WWOX: variants seen among roughly 807,000 people sequenced by gnomAD.
WWOX encodes the protein WW domain-containing oxidoreductase.
A neutral mutation model predicts 46.2 loss-of-function variants in WWOX; 69 were observed. The observed-to-expected ratio is 1.49, with a 90% confidence interval of 1.23 to 1.82. WWOX has a LOEUF of 1.82. Among genes scored for constraint, WWOX ranks in the 40% most tolerant of loss-of-function variants. WWOX has a pLI of 0.00. For synonymous variants in WWOX, 359 were observed against 202.6 expected, an observed-to-expected ratio of 1.77 and a Z score of -6.56; for missense variants, 919 against 542.6, an observed-to-expected ratio of 1.69 and a Z score of -6.89.
chr16:78,841,914 T>C (rs1367137079), intron 8 of WWOX, among the ~76,000 whole-genome samples: 1 of 152,168 alleles, frequency 6.6e-6, no homozygotes, highest in Admixed American at 6.5e-5. Flanking sequence ...TTATTGGGCT[T>C]GAGTATCCTG....
intron 8 of WWOX, among the ~76,000 whole-genome samples, chr16:78,451,232 C>G (rs760372824): frequency 6.6e-6 from 1 of 152,098 alleles, no homozygotes; most frequent in African/African-American, 2.4e-5. Flanking sequence ...GGGATGGGTC[C>G]TCATGTTAGT....
intron 8 of WWOX, among the ~76,000 whole-genome samples, chr16:78,856,792 T>A (rs568443577): frequency 3.1e-4 from 47 of 152,340 alleles, no homozygotes; most frequent in African/African-American, 1.1e-3. Flanking sequence ...CACATTTACA[T>A]ATACAGTCAT....
intron 8 of WWOX, among the ~76,000 whole-genome samples, chr16:78,752,872 A>C (rs896022894): frequency 6.6e-6 from 1 of 152,220 alleles, no homozygotes; most frequent in Non-Finnish European, 1.5e-5. Flanking sequence ...TTCCTGATCT[A>C]AATCTGTCCT....
intron 8 of WWOX, among the ~76,000 whole-genome samples, chr16:78,883,432 G>T (rs1267850117): frequency 1.3e-5 from 2 of 152,128 alleles, no homozygotes; most frequent in Non-Finnish European, 2.9e-5. Context: ...ATTTTCATAA[G>T]CATACCATGG....
At chr16:78,175,674 T>A (rs1211254257) in intron 5 of WWOX, among the ~76,000 whole-genome samples, 1 of 152,182 alleles carries the variant, frequency 6.6e-6, no homozygotes, top group South Asian at 2.1e-4. Context: ...CCTGGCTGAT[T>A]CATGTCATGA....
intron 8 of WWOX, among the ~76,000 whole-genome samples, chr16:78,457,087 C>T (rs1016404470): frequency 7.2e-5 from 11 of 152,154 alleles, no homozygotes; most frequent in Non-Finnish European, 1.2e-4. Flanking sequence ...TCTTCTGTGC[C>T]GTTAAGGGAA....
chr16:78,286,806 G>GT (rs5818121), intron 5 of WWOX, among the ~76,000 whole-genome samples: 38,634 of 151,982 alleles, frequency 0.25, 5,223 homozygotes, highest in East Asian at 0.39. Flanking sequence ...TCATAGAAAA[G>GT]TTAAAGCTGT....
intron 5 of WWOX, among the ~76,000 whole-genome samples, chr16:78,361,255 G>T (rs1436016197): frequency 6.6e-6 from 1 of 152,066 alleles, no homozygotes; most frequent in Non-Finnish European, 1.5e-5. Context: ...AAAATGATGT[G>T]GTGTCTTTCT....
intron 8 of WWOX, among the ~76,000 whole-genome samples, chr16:78,877,878 C>A (rs539504477): frequency 2.6e-5 from 4 of 152,090 alleles, no homozygotes; most frequent in Non-Finnish European, 4.4e-5. Context: ...GCCCAGCAGC[C>A]CAAAAAGCTA....
chr16:78,498,702 T>C (rs1002448135), intron 8 of WWOX, among the ~76,000 whole-genome samples: 5 of 152,194 alleles, frequency 3.3e-5, no homozygotes, highest in Non-Finnish European at 7.3e-5. Flanking sequence ...TCTCTTTCTG[T>C]TTTTAAACAG....
chr16:78,626,843 A>T lies in WWOX; in HGVS notation c.1056+194091A>T, dbSNP rs1166823454. 2.0e-5 allele frequency among the ~76,000 whole-genome samples: 3 copies of T among 152,116 alleles called. 1 individual carries two copies. Among genetic ancestry groups the T allele is most frequent in the Non-Finnish European group, 4.4e-5 (3 of 67,994 alleles). The stretch of plus-strand genomic sequence containing the variant: ...CGGTACACTCATGGACATTTATTTT[A>T]TGCTTTATGTTATAATCCTATACTA... On this transcript the variant is annotated intron_variant, in intron 8 of 8. Coordinates refer to ENST00000566780, the MANE Select transcript of WWOX (RefSeq NM_016373.4).
At chr16:78,979,698 C>A (rs989445205) in intron 8 of WWOX, among the ~76,000 whole-genome samples, 2 of 152,102 alleles carry the variant, frequency 1.3e-5, no homozygotes, top group Non-Finnish European at 2.9e-5. Context: ...TGTAGCCGTC[C>A]ATGCTTGAGG....
chr16:78,778,893 C>T (rs898380419), intron 8 of WWOX, among the ~76,000 whole-genome samples: 24 of 152,280 alleles, frequency 1.6e-4, no homozygotes, highest in African/African-American at 5.5e-4. Context: ...TTCATTTTCC[C>T]ATAAGGTGGT....
At chr16:78,480,028 T>A (rs886168687) in intron 8 of WWOX, among the ~76,000 whole-genome samples, 1 of 152,210 alleles carries the variant, frequency 6.6e-6, no homozygotes, top group African/African-American at 2.4e-5. Flanking sequence ...CAGTCATACC[T>A]TCTCGAAGGC....
intron 8 of WWOX, among the ~76,000 whole-genome samples, chr16:79,160,787 CTGTG>C (rs1196277980): frequency 6.6e-6 from 1 of 152,048 alleles, no homozygotes; most frequent in East Asian, 1.9e-4. Flanking sequence ...ATTCATATGT[CTGTG>C]TGTACATATA....
chr16:78,354,312 C>T (rs1407750255), intron 5 of WWOX, among the ~76,000 whole-genome samples: 11 of 123,264 alleles, frequency 8.9e-5, no homozygotes, highest in African/African-American at 1.6e-4. Context: ...ATGTGCTTAA[C>T]TTTTTTTTTT....
intron 8 of WWOX, among the ~76,000 whole-genome samples, chr16:78,643,298 C>G (rs897364917): frequency 1.3e-5 from 2 of 152,148 alleles, no homozygotes; most frequent in Non-Finnish European, 2.9e-5. Context: ...TCATATTTGG[C>G]TAACGAAAAC....
chr16:78,919,677 C>T (rs1402323081), intron 8 of WWOX, among the ~76,000 whole-genome samples: 1 of 152,066 alleles, frequency 6.6e-6, no homozygotes, highest in Non-Finnish European at 1.5e-5. Flanking sequence ...ACCACCACAC[C>T]TGGCTAATTT....
chr16:78,937,410 G>A (rs2045761103), intron 8 of WWOX, among the ~76,000 whole-genome samples: 1 of 142,902 alleles, frequency 7.0e-6, no homozygotes, highest in African/African-American at 2.6e-5. Context: ...TTATGGAGGT[G>A]CTAAACATAC....
Sources: allele counts gnomAD v4.1 joint callset (sites outside exome capture counted in the v4.1 genomes callset), GRCh38; gene constraint gnomAD v4.1.1; transcripts MANE v1.5; gene names NCBI Gene and HGNC (gene_info 2026-07-23, HGNC 2026-07-21).